The following PLEKHA7 variants were observed in gnomAD, a reference collection of about 807,000 sequenced individuals.
The protein encoded by PLEKHA7 is pleckstrin homology domain-containing family A member 7.
Under a neutral mutation model 170.0 loss-of-function variants are expected in PLEKHA7, and 104 were observed. The observed-to-expected ratio is 0.61, with a 90% CI of 0.52 to 0.72. The LOEUF is 0.72. Among genes scored for constraint, PLEKHA7 ranks in the 30% least tolerant of loss-of-function variants. The pLI is 0.00. For missense variants in PLEKHA7, 1,615 were observed against 1,671.7 expected, an observed-to-expected ratio of 0.97 and a Z score of 0.59; for synonymous variants, 648 against 660.8, an observed-to-expected ratio of 0.98 and a Z score of 0.30.
At chr11:16,829,799 G>A (rs374807924) in intron 9 of PLEKHA7, among the ~76,000 whole-genome samples, 14 of 152,054 alleles carry the variant, frequency 9.2e-5, no homozygotes, top group South Asian at 4.1e-4. Context: ...AATTCTTACC[G>A]TAAGTTTATA....
At chr11:16,924,865 G>C (rs1462398664) in intron 3 of PLEKHA7, among the ~76,000 whole-genome samples, 1 of 152,218 alleles carries the variant, frequency 6.6e-6, no homozygotes. Flanking sequence ...CATAAAAGAT[G>C]AGTAATGGCA....
chr11:16,841,991 A>G (rs1307065647), intron 8 of PLEKHA7, among the ~76,000 whole-genome samples: 3 of 152,198 alleles, frequency 2.0e-5, no homozygotes, highest in Admixed American at 6.5e-5. Context: ...GGGAGTGTGC[A>G]CAAAGTCAAG....
rs1307136065 is a variant in PLEKHA7, at chr11:16,813,164, A to C, written c.1956T>G (p.Ala652=). The C allele has an allele frequency of 4.3e-6, 7 of 1,613,192 alleles. No individual in the cohort carries two copies. The East Asian group carries it at 1.6e-4, about 36-fold the overall frequency. ...TCTTCAGCTGGAGGTAGGTATCATCAGCCTTCAAATGAAGCAGAGAGGAAA... is the reference window on the plus strand; with the variant it reads ...TCTTCAGCTGGAGGTAGGTATCATCCGCCTTCAAATGAAGCAGAGAGGAAA... ...VSAPSLHGKS[A]DDTYLQLKKD... Residue 652 remains alanine, a splice_region_variant and synonymous_variant, in exon 13 of 27, where the codon GCT becomes GCG. Transcript: ENST00000531066.
chr11:16,828,455 T>A (rs1002286075), intron 9 of PLEKHA7, among the ~76,000 whole-genome samples: 5 of 152,316 alleles, frequency 3.3e-5, no homozygotes, highest in African/African-American at 7.2e-5. Context: ...CTTTCCTTTA[T>A]AAATTACCCA....
intron 8 of PLEKHA7, chr11:16,842,593 GCAAAAAAAAAAAAAAAAAAAATCT>G (rs1852059182): frequency 6.5e-5 from 2 of 30,986 alleles, no homozygotes; most frequent in Non-Finnish European, 1.3e-4. Context: ...ATGTATCCTT[GCAAAAAAAAAAAAAAAAAAAATCT>G]CAAAAAAAGG....
intron 9 of PLEKHA7, among the ~76,000 whole-genome samples, chr11:16,828,310 G>A (rs1272113559): frequency 6.6e-6 from 1 of 152,120 alleles, no homozygotes; most frequent in South Asian, 2.1e-4. Flanking sequence ...TTTTAGAAGC[G>A]TCTTTTCTCT....
At chr11:16,779,682 A>T (rs1259703196) in intron 26 of PLEKHA7, among the ~76,000 whole-genome samples, 3 of 152,184 alleles carry the variant, frequency 2.0e-5, no homozygotes, top group Non-Finnish European at 4.4e-5. Context: ...TCTCATGCTC[A>T]GGCTGGCGGG....
At chr11:16,942,190 C>G (rs1056104990) in intron 3 of PLEKHA7, among the ~76,000 whole-genome samples, 1 of 152,186 alleles carries the variant, frequency 6.6e-6, no homozygotes, top group East Asian at 1.9e-4. Context: ...AATTCAAATT[C>G]AAACTTGGGG....
intron 13 of PLEKHA7, among the ~76,000 whole-genome samples, chr11:16,809,874 C>T (rs1291393545): frequency 1.3e-5 from 2 of 152,220 alleles, no homozygotes; most frequent in Non-Finnish European, 2.9e-5. Flanking sequence ...CTATGCCTCT[C>T]CTGAATCGCC....
intron 3 of PLEKHA7, among the ~76,000 whole-genome samples, chr11:16,916,947 G>A (rs980675992): frequency 2.0e-5 from 3 of 152,126 alleles, no homozygotes; most frequent in South Asian, 2.1e-4. Flanking sequence ...GGCCGGGCAC[G>A]GTGGCTCACA....
intron 3 of PLEKHA7, among the ~76,000 whole-genome samples, chr11:16,933,035 A>G (rs1860051175): frequency 1.3e-5 from 2 of 152,178 alleles, no homozygotes; most frequent in Admixed American, 1.3e-4. Context: ...AGGAGGCATA[A>G]TCTGATTTGC....
chr11:16,951,002 C>A (rs1435027979), intron 3 of PLEKHA7, among the ~76,000 whole-genome samples: 2 of 152,204 alleles, frequency 1.3e-5, no homozygotes, highest in African/African-American at 2.4e-5. Flanking sequence ...GTTAGCTCCC[C>A]AAGGGCCAGG....
chr11:16,789,762 C>G lies in PLEKHA7; in HGVS notation c.3156+13G>C, dbSNP rs1305279162. The G allele has an allele frequency of 6.2e-7, 1 of 1,608,668 alleles. No individual in the cohort carries two copies. The highest frequency in any genetic ancestry group is 1.3e-5 in the African/African-American group (1 of 74,798). On this transcript the variant is annotated intron_variant, in intron 22 of 26. Transcript: ENST00000531066. The surrounding 1 kb of genome is among the most constrained non-coding windows in gnomAD (Gnocchi z 4.6). ...AGGAGCAGGGAGGTCCTCGACAGCT[C>G]AAGGCCACTCACAGGGAAGGTCGCC... is the stretch of plus-strand genomic sequence containing the variant.
intron 17 of PLEKHA7, among the ~76,000 whole-genome samples, chr11:16,796,039 A>G (rs958856089): frequency 6.6e-6 from 1 of 151,638 alleles, no homozygotes; most frequent in African/African-American, 2.4e-5. Context: ...TTGTATTTTC[A>G]GTAGAGACGC....
In PLEKHA7 at chr11:16,804,163, C is replaced by T. The variant is rs117961004; in HGVS notation, c.2008-868G>A. Among the ~76,000 whole-genome samples the T allele has an allele frequency of 2.2e-4, 34 of 152,264 alleles. No individual in the cohort carries two copies. The East Asian group carries it at 5.4e-3, about 24-fold the overall frequency. On this transcript the variant is annotated intron_variant, in intron 13 of 26. Transcript: ENST00000531066. ...GAGGGGAGTGACTTTCACAGATGCA[C>T]CCTCCCATGGCCAAGATAAGGCCAG...
chr11:16,824,679 C>T (rs1382856883), intron 10 of PLEKHA7, among the ~76,000 whole-genome samples: 1 of 152,230 alleles, frequency 6.6e-6, no homozygotes, highest in Non-Finnish European at 1.5e-5. Flanking sequence ...CTGCAATAGC[C>T]TCCTTCCTAG....
At chr11:16,886,847 T>G (rs1027047186) in intron 3 of PLEKHA7, among the ~76,000 whole-genome samples, 1 of 151,966 alleles carries the variant, frequency 6.6e-6, no homozygotes, top group Admixed American at 6.6e-5. Flanking sequence ...GCCAACTAGA[T>G]GCCAATCCCC....
At chr11:16,964,470 A>G (rs559112687) in intron 3 of PLEKHA7, among the ~76,000 whole-genome samples, 6 of 152,118 alleles carry the variant, frequency 3.9e-5, no homozygotes, top group Non-Finnish European at 8.8e-5. Flanking sequence ...CATCCTCACC[A>G]ATCCTTGAGC....
At chr11:16,843,223 G>A (rs1032033351) in intron 8 of PLEKHA7, among the ~76,000 whole-genome samples, 8 of 152,204 alleles carry the variant, frequency 5.3e-5, no homozygotes, top group South Asian at 2.1e-4. Context: ...CCAGAAGTGA[G>A]GGTGATTACA....
Sources: gnomAD v4.1 joint callset for allele counts (sites outside exome capture counted in the v4.1 genomes callset) on GRCh38, gnomAD v4.1.1 for gene constraint, Gnocchi (gnomAD v3.1) non-coding constraint, MANE v1.5 for transcripts, NCBI Gene and HGNC (gene_info 2026-07-23, HGNC 2026-07-21) for gene names.